The following DRICH1 variants were observed in gnomAD, a reference collection of about 807,000 sequenced individuals.
The protein encoded by DRICH1 is aspartate rich 1, also known as aspartate-rich protein 1.
DRICH1 carries 38 observed loss-of-function variants against 39.5 expected under a neutral mutation model. The ratio of observed to expected loss-of-function variants is 0.96; its 90% CI spans 0.74 to 1.26. The LOEUF (loss-of-function observed/expected upper bound fraction) is 1.26, where lower values mean the gene tolerates loss of function less well. Ranked by LOEUF, DRICH1 falls within the 50% of genes most tolerant of loss-of-function variation. DRICH1 has a pLI of 0.00. For synonymous variants in DRICH1, 84 were observed against 99.5 expected (o/e 0.84, Z 0.93); for missense variants, 279 against 270.4 (o/e 1.03, Z -0.22).
chr22:23,589,443 T>C, the DRICH1 span, among the ~76,000 whole-genome samples: 1 of 151,820 alleles, frequency 6.6e-6, no homozygotes, highest in Non-Finnish European at 1.5e-5. Flanking sequence ...AGAGCAACAC[T>C]GTCTCATTAA....
the DRICH1 span, among the ~76,000 whole-genome samples, chr22:23,598,656 G>A: frequency 7.2e-4 from 109 of 152,306 alleles, 2 homozygotes; most frequent in African/African-American, 2.5e-3. Flanking sequence ...GGTGGCCATC[G>A]GGCTCTGTAG....
intron 8 of DRICH1, among the ~76,000 whole-genome samples, chr22:23,615,380 A>G (rs142535152): frequency 1.1e-3 from 167 of 152,364 alleles, no homozygotes; most frequent in African/African-American, 4.0e-3. Context: ...CCATCTCAAA[A>G]TATACATATA....
At chr22:23,616,458 C>G (rs1315377499) in intron 8 of DRICH1, among the ~76,000 whole-genome samples, 1 of 152,204 alleles carries the variant, frequency 6.6e-6, no homozygotes, top group African/African-American at 2.4e-5. Flanking sequence ...CCTTCCCTAA[C>G]CCTGCCAAGC....
the DRICH1 span, among the ~76,000 whole-genome samples, chr22:23,590,015 A>G: frequency 6.6e-6 from 1 of 152,252 alleles, no homozygotes; most frequent in South Asian, 2.1e-4. Context: ...GTTCTCTGGC[A>G]TAAGGAGCCC....
chr22:23,613,784 A>T, intron 9 of DRICH1, 124 bp from the exon 10 acceptor site: 1 of 688,218 alleles, frequency 1.5e-6, no homozygotes, highest in Non-Finnish European at 2.5e-6. Flanking sequence ...CCATAGGTCA[A>T]AGTCCCCCAA....
At chr22:23,597,548 C>T in the DRICH1 span, among the ~76,000 whole-genome samples, 6 of 149,878 alleles carry the variant, frequency 4.0e-5, no homozygotes, top group African/African-American at 1.5e-4. Flanking sequence ...TACATAAATA[C>T]ACAGATAAAC....
intron 6 of DRICH1, among the ~76,000 whole-genome samples, chr22:23,618,999 ACG>A (rs1927547541): frequency 6.6e-6 from 1 of 151,884 alleles, no homozygotes; most frequent in Non-Finnish European, 1.5e-5. Context: ...TGGTAAAACC[ACG>A]TCTCTACTAA....
chr22:23,581,714 C>T, the DRICH1 span, among the ~76,000 whole-genome samples: 1 of 150,290 alleles, frequency 6.7e-6, no homozygotes, highest in African/African-American at 2.5e-5. Context: ...TCAAGCGATT[C>T]TCCTGCCTCA....
the DRICH1 span, among the ~76,000 whole-genome samples, chr22:23,588,367 C>T: frequency 2.0e-5 from 3 of 152,310 alleles, no homozygotes; most frequent in South Asian, 6.2e-4. Context: ...CTCAGGTGAT[C>T]CACCTGCCTC....
intron 8 of DRICH1, among the ~76,000 whole-genome samples, chr22:23,616,637 C>T (rs1048052821): frequency 6.6e-6 from 1 of 152,172 alleles, no homozygotes; most frequent in Non-Finnish European, 1.5e-5. Context: ...CACTTCTACT[C>T]CAGGTGAAGA....
intron 11 of DRICH1, among the ~76,000 whole-genome samples, chr22:23,612,877 A>T (rs1927122999): frequency 6.6e-6 from 1 of 152,182 alleles, no homozygotes; most frequent in African/African-American, 2.4e-5. Flanking sequence ...CTTGGCACAC[A>T]GCACAAGGAC....
Position 23,621,679 on chromosome 22 carries a change from C to T in DRICH1, c.384+412G>A, listed in dbSNP as rs185188925. 7.9e-5 allele frequency among the ~76,000 whole-genome samples: 12 copies of T among 152,196 alleles called. No individual in the cohort carries two copies. In the East Asian group the frequency reaches 1.9e-3, roughly 25 times the overall value. ...CTGTAATACCAGCACTTTCGGAAGC[C>T]GAGGTGGGTGGATTACCTGCGGTCA... On this transcript the variant is annotated intron_variant, in intron 4 of 11. Coordinates refer to ENST00000317749, the MANE Select transcript of DRICH1 (RefSeq NM_016449.4).
At chr22:23,628,922 C>T (rs1928233920) in intron 1 of DRICH1, among the ~76,000 whole-genome samples, 1 of 152,178 alleles carries the variant, frequency 6.6e-6, no homozygotes, top group Non-Finnish European at 1.5e-5. Context: ...ATGTCCATGC[C>T]ATGCTCTCGG....
At chr22:23,581,585 C>T in the DRICH1 span, 1 of 151,514 alleles carries the variant, frequency 6.6e-6, no homozygotes, top group African/African-American at 2.4e-5. Context: ...CAGTAACATA[C>T]ACACAACCTA....
chr22:23,614,491 G>C (rs1927235981), intron 8 of DRICH1, among the ~76,000 whole-genome samples: 1 of 152,206 alleles, frequency 6.6e-6, no homozygotes, highest in South Asian at 2.1e-4. Context: ...GTCAGTGGAA[G>C]AGTGCCTTCC....
At chr22:23,584,269 G>A in the DRICH1 span, among the ~76,000 whole-genome samples, 2 of 152,206 alleles carry the variant, frequency 1.3e-5, no homozygotes, top group African/African-American at 4.8e-5. Context: ...TGCCTCTGCA[G>A]AGCCCTCTGG....
At chr22:23,627,285 C>T (rs1473427182) in intron 1 of DRICH1, among the ~76,000 whole-genome samples, 1 of 152,064 alleles carries the variant, frequency 6.6e-6, no homozygotes. Context: ...GTTGGCCAGG[C>T]TGGTCTCGAA....
At chr22:23,603,548 A>G (rs1265023769), downstream of DRICH1, among the ~76,000 whole-genome samples, 1 of 152,122 alleles carries the variant, frequency 6.6e-6, no homozygotes, top group African/African-American at 2.4e-5. Flanking sequence ...GCGGGCCACA[A>G]GGACCCTGTG....
chr22:23,618,333 C>T (rs893409085), intron 6 of DRICH1, among the ~76,000 whole-genome samples: 2 of 152,094 alleles, frequency 1.3e-5, no homozygotes, highest in Middle Eastern at 3.4e-3. Context: ...CCAGGATGGT[C>T]TCCATCTCCT....
Sources: allele counts gnomAD v4.1 joint callset (sites outside exome capture counted in the v4.1 genomes callset), GRCh38; gene constraint gnomAD v4.1.1; transcripts MANE v1.5; gene names NCBI Gene and HGNC (gene_info 2026-07-23, HGNC 2026-07-21).